The following SPON1 variants were observed in gnomAD, a reference collection of about 807,000 sequenced individuals.
The protein encoded by SPON1 is spondin 1.
A neutral mutation model predicts 111.7 loss-of-function variants in SPON1; 52 were observed. That is an observed-to-expected ratio of 0.47 (90% CI 0.37 to 0.59). The LOEUF is 0.59. Among genes scored for constraint, SPON1 ranks in the 20% least tolerant of loss-of-function variants. The pLI is 0.00. For synonymous variants in SPON1, 410 were observed against 395.8 expected (o/e 1.04, Z -0.43); for missense variants, 957 against 1,068.5 (o/e 0.90, Z 1.46).
chr11:14,185,631 G>C (rs557996398), intron 6 of SPON1, among the ~76,000 whole-genome samples: 1 of 152,388 alleles, frequency 6.6e-6, no homozygotes, highest in East Asian at 1.9e-4. Flanking sequence ...TCACTGCAGA[G>C]TAAAGTTGGG....
chr11:14,163,884 A>G (rs1332510760), intron 6 of SPON1, among the ~76,000 whole-genome samples: 2 of 151,678 alleles, frequency 1.3e-5, no homozygotes, highest in Non-Finnish European at 2.9e-5. Flanking sequence ...ACACCCATAA[A>G]GGCTACTTTG....
chr11:14,221,283 G>A (rs1214492805), intron 6 of SPON1, among the ~76,000 whole-genome samples: 1 of 152,126 alleles, frequency 6.6e-6, no homozygotes, highest in African/African-American at 2.4e-5. Flanking sequence ...GGAGATTTCA[G>A]ACAATATCTG....
At chr11:14,177,426 A>C in intron 6 of SPON1, among the ~76,000 whole-genome samples, 1 of 152,126 alleles carries the variant, frequency 6.6e-6, no homozygotes, top group Non-Finnish European at 1.5e-5. Flanking sequence ...ACAGGAAGTC[A>C]GAGCTGTCTT....
chr11:14,224,071 G>A (rs1285098750), intron 6 of SPON1, among the ~76,000 whole-genome samples: 9 of 152,340 alleles, frequency 5.9e-5, no homozygotes, highest in African/African-American at 1.7e-4. Flanking sequence ...GACTCTAGGA[G>A]CTGCTGCTGA....
At chr11:13,991,385 A>G (rs1554911190) in intron 2 of SPON1, among the ~76,000 whole-genome samples, 2 of 152,120 alleles carry the variant, frequency 1.3e-5, no homozygotes, top group East Asian at 1.9e-4. Flanking sequence ...AAACTTGTGA[A>G]TGCTTCAGGA....
intron 6 of SPON1, among the ~76,000 whole-genome samples, chr11:14,195,093 T>C (rs1393276660): frequency 6.6e-6 from 1 of 152,234 alleles, no homozygotes; most frequent in African/African-American, 2.4e-5. Flanking sequence ...TTACCACATG[T>C]AATTACTAAG....
At chr11:14,239,532 C>A (rs1312097207) in intron 6 of SPON1, among the ~76,000 whole-genome samples, 1 of 152,118 alleles carries the variant, frequency 6.6e-6, no homozygotes, top group Non-Finnish European at 1.5e-5. Context: ...TTAAGACCAA[C>A]ATGGGCAATG....
At chr11:14,143,549 A>G (rs2133864675) in intron 6 of SPON1, among the ~76,000 whole-genome samples, 1 of 144,480 alleles carries the variant, frequency 6.9e-6, no homozygotes, top group Middle Eastern at 3.4e-3. Context: ...CGACAGAGTC[A>G]GACCCTGTTT....
At chr11:14,217,202 C>G (rs1848634770) in intron 6 of SPON1, among the ~76,000 whole-genome samples, 1 of 152,194 alleles carries the variant, frequency 6.6e-6, no homozygotes, top group South Asian at 2.1e-4. Flanking sequence ...GTGGGGAGAG[C>G]TCTCTGTTTC....
chr11:14,168,498 T>A (rs1342819625), intron 6 of SPON1, among the ~76,000 whole-genome samples: 2 of 152,194 alleles, frequency 1.3e-5, no homozygotes, highest in South Asian at 4.1e-4. Context: ...AATTTTTCTT[T>A]TTTTTTCTTT....
chr11:14,039,041 A>C (rs919461531), intron 2 of SPON1, among the ~76,000 whole-genome samples: 10 of 152,248 alleles, frequency 6.6e-5, no homozygotes, highest in African/African-American at 2.4e-4. Flanking sequence ...TTAAGTCATG[A>C]AAATACAGAG....
chr11:14,104,026 G>C (rs1009600536), intron 5 of SPON1, among the ~76,000 whole-genome samples: 3 of 151,986 alleles, frequency 2.0e-5, no homozygotes, highest in African/African-American at 7.2e-5. Context: ...TTAACAGTTA[G>C]CTTGCTTTAA....
chr11:14,231,805 T>A lies in SPON1; in HGVS notation c.826-11527T>A, dbSNP rs7103919. Among the ~76,000 whole-genome samples the A allele has an allele frequency of 4.0e-4, 60 of 149,814 alleles. 1 individual carries two copies. In the South Asian group the frequency reaches 4.2e-3, roughly 11 times the overall value. On this transcript the variant is annotated intron_variant, in intron 6 of 15. Coordinates refer to ENST00000576479, the MANE Select transcript of SPON1 (RefSeq NM_006108.4). ...AATCCAAAGACTATACAGCAATGTCTAAAAAAAAAAGATTCAAAAGTATAT... is the reference window on the plus strand; with the variant it reads ...AATCCAAAGACTATACAGCAATGTCAAAAAAAAAAAGATTCAAAAGTATAT...
At chr11:13,971,310 G>A (rs558494744) in intron 1 of SPON1, among the ~76,000 whole-genome samples, 1 of 152,318 alleles carries the variant, frequency 6.6e-6, no homozygotes, top group East Asian at 1.9e-4. Flanking sequence ...CAGAGCAACA[G>A]CAGGCAAAAG....
In SPON1 at chr11:14,257,739, T is replaced by C. The variant is rs1849125381; in HGVS notation, c.1333T>C (p.Tyr445His). 1 of 1,612,536 alleles carries C rather than the reference T, an allele frequency of 6.2e-7. No individual in the cohort carries two copies. The highest frequency in any genetic ancestry group is 1.3e-5 in the African/African-American group (1 of 74,922). The change falls in exon 11 of 16, where the codon TAC (tyrosine) becomes CAC (histidine). Residue 445 changes from tyrosine to histidine, a missense_variant. Tyr to His is a moderately conservative substitution (Grantham distance 83, BLOSUM62 2). Around this residue, in one of 5 missense-constraint regions of SPON1, gnomAD observed 549 missense variants for 606.2 expected, o/e 0.91. Transcript: ENST00000576479. ...AGATGACACCCCTGAAACCTGCATC[T>C]ACTCCAACTGGTCCCCATGGTCCGC... The part of the protein sequence containing the change: ...DEDDTPETCI[Y>H]SNWSPWSACS...
chr11:13,967,166 G>A (rs1256095984), intron 1 of SPON1, among the ~76,000 whole-genome samples: 1 of 152,306 alleles, frequency 6.6e-6, no homozygotes, highest in East Asian at 1.9e-4. Context: ...TCTCAGGTCT[G>A]TCTGACTCCT....
At chr11:14,201,747 A>G (rs1554935658) in intron 6 of SPON1, among the ~76,000 whole-genome samples, 1 of 152,178 alleles carries the variant, frequency 6.6e-6, no homozygotes, top group Non-Finnish European at 1.5e-5. Context: ...ATATACACAT[A>G]AGTATTTAAT....
intron 2 of SPON1, among the ~76,000 whole-genome samples, chr11:14,011,741 A>T (rs77638352): frequency 2.6e-5 from 4 of 152,126 alleles, no homozygotes; most frequent in African/African-American, 9.7e-5. Context: ...TGAGGATCTG[A>T]TGGACAAATA....
At chr11:14,057,165 G>A (rs1445855177) in intron 3 of SPON1, among the ~76,000 whole-genome samples, 2 of 152,148 alleles carry the variant, frequency 1.3e-5, no homozygotes, top group African/African-American at 4.8e-5. Context: ...CACTAAAAAG[G>A]GAGAAAAGCA....
Sources: gnomAD v4.1 joint callset for allele counts (sites outside exome capture counted in the v4.1 genomes callset) on GRCh38, gnomAD v4.1.1 for gene constraint, gnomAD v4.1.1 regional missense constraint, MANE v1.5 for transcripts, NCBI Gene and HGNC (gene_info 2026-07-23, HGNC 2026-07-21) for gene names.